RIMS1: variants seen among roughly 807,000 people sequenced by gnomAD.
RIMS1 encodes regulating synaptic membrane exocytosis 1, also known as regulating synaptic membrane exocytosis protein 1.
Under a neutral mutation model 214.1 loss-of-function variants are expected in RIMS1, and 83 were observed. The ratio of observed to expected loss-of-function variants is 0.39; its 90% confidence interval spans 0.32 to 0.47. The LOEUF (loss-of-function observed/expected upper bound fraction) is 0.47. Among genes scored for constraint, RIMS1 ranks in the 20% least tolerant of loss-of-function variants. RIMS1 has a pLI of 0.99. For synonymous variants in RIMS1, 793 were observed against 786.8 expected (o/e 1.01, Z -0.13); for missense variants, 2,050 against 2,161.8 (o/e 0.95, Z 1.03).
rs1010560711 is a variant in RIMS1 at position 72,316,811 on chromosome 6, T to G, written c.4130+3139T>G. 5.2e-6 allele frequency: 4 copies of G among 769,870 alleles called. No homozygotes were observed. The African/African-American group carries it at 6.9e-5, about 13-fold the overall frequency. The allele number at this position is 769,870 out of a possible 1,614,324, so 47.7% of individuals were successfully genotyped here. On this transcript the variant is annotated intron_variant, in intron 28 of 33. Coordinates refer to ENST00000521978, the MANE Select transcript of RIMS1 (RefSeq NM_014989.7). ...GACACTGGGGACAGTAGGTGGGTGG[T>G]GGTGCCAAGGGCATTACCACATTGG...
chr6:72,164,938 C>T (rs2046045261), intron 4 of RIMS1, among the ~76,000 whole-genome samples: 1 of 152,186 alleles, frequency 6.6e-6, no homozygotes, highest in African/African-American at 2.4e-5. Context: ...AAGGCCCCAA[C>T]TCCAAATATA....
intron 4 of RIMS1, among the ~76,000 whole-genome samples, chr6:72,113,941 T>C (rs2036582096): frequency 6.6e-6 from 1 of 152,122 alleles, no homozygotes; most frequent in Admixed American, 6.6e-5. Context: ...AAGACACCAA[T>C]AATGTAACCT....
intron 29 of RIMS1, among the ~76,000 whole-genome samples, chr6:72,345,507 G>A (rs2154362325): frequency 6.6e-6 from 1 of 151,796 alleles, no homozygotes; most frequent in East Asian, 1.9e-4. Context: ...ACTTGTCTGA[G>A]GTATCACAAC....
At position 72,333,734 on chromosome 6, in the gene RIMS1, C is replaced by T; in HGVS notation, c.4265C>T (p.Thr1422Ile). ...DGSQSDTAVG[T>I]VGAGGKKRRS... is the part of the protein sequence containing the mutation. ...AGCCAGTCAGACACAGCTGTGGGTA[C>T]AGTTGGAGCAGGTGGAAAGAAACGG... The change falls in exon 29 of 34, where the codon ACA (threonine) becomes ATA (isoleucine). Residue 1422 changes from threonine to isoleucine, a missense_variant. Physicochemically the swap from Thr to Ile is moderately conservative, Grantham distance 89 (BLOSUM62 -1). Transcript: ENST00000521978. The T allele has an allele frequency of 6.3e-7, 1 of 1,599,050 alleles. No individual in the cohort carries two copies.
chr6:71,931,434 A>G (rs1783002708), intron 1 of RIMS1, among the ~76,000 whole-genome samples: 1 of 152,024 alleles, frequency 6.6e-6, no homozygotes, highest in African/African-American at 2.4e-5. Context: ...TAATAATAAT[A>G]ACAACAAATT....
At chr6:72,119,417 C>G (rs915866367) in intron 4 of RIMS1, among the ~76,000 whole-genome samples, 2 of 151,516 alleles carry the variant, frequency 1.3e-5, no homozygotes, top group African/African-American at 2.4e-5. Context: ...TAGGGCAATT[C>G]CCATCATCAT....
At position 71,991,342 on chromosome 6, in the gene RIMS1, C is replaced by T. The variant is rs115499917; in HGVS notation, c.245+22279C>T. Among the ~76,000 whole-genome samples the T allele has an allele frequency of 5.9e-3, 892 of 152,000 alleles. 8 individuals are homozygous for T. Among genetic ancestry groups the T allele is most frequent in the African/African-American group, 0.02 (828 of 41,486 alleles). ...ATCTGAACATGTCTTTTAAAAATGC[C>T]TAATTCTATACTGTTTACTTTATCA... On this transcript the variant is annotated intron_variant, in intron 2 of 33. Transcript: ENST00000521978.
At chr6:71,978,908 A>T (rs1161223993) in intron 2 of RIMS1, among the ~76,000 whole-genome samples, 1 of 152,110 alleles carries the variant, frequency 6.6e-6, no homozygotes, top group Admixed American at 6.6e-5. Flanking sequence ...AAAATAGAGA[A>T]TTCTAGGAAC....
At chr6:72,241,822 A>G (rs564776921) in intron 9 of RIMS1, among the ~76,000 whole-genome samples, 1 of 152,318 alleles carries the variant, frequency 6.6e-6, no homozygotes, top group South Asian at 2.1e-4. Context: ...ACACTGAAGC[A>G]TGACTTGTAA....
intron 24 of RIMS1, 55 bp from the exon 25 acceptor site, chr6:72,290,624 T>A: frequency 6.7e-7 from 1 of 1,502,660 alleles, no homozygotes; most frequent in Non-Finnish European, 9.1e-7. Context: ...TGTGTTGGTA[T>A]CAAAGTTAAT....
At position 72,320,981 on chromosome 6, in the gene RIMS1, T is replaced by G. The variant is rs528433676; in HGVS notation, c.4130+7309T>G. On this transcript the variant is annotated intron_variant, in intron 28 of 33. Coordinates refer to ENST00000521978, the MANE Select transcript of RIMS1 (RefSeq NM_014989.7). Reference sequence around the variant, plus strand: ...TTTCTTTACTCATTTTAACATATGATTACCTTGATTTCAGCTAGACTCTCT... The same window carrying G: ...TTTCTTTACTCATTTTAACATATGAGTACCTTGATTTCAGCTAGACTCTCT... Among the ~76,000 whole-genome samples, 9 of 152,178 alleles carry G rather than the reference T, an allele frequency of 5.9e-5. No individual in the cohort carries two copies. The East Asian group carries it at 1.7e-3, about 29-fold the overall frequency.
chr6:71,908,704 C>G (rs548881827), intron 1 of RIMS1, among the ~76,000 whole-genome samples: 225 of 152,292 alleles, frequency 1.5e-3, no homozygotes, highest in African/African-American at 5.2e-3. Context: ...AAATTTTGAA[C>G]ACCCCCTGTT....
At chr6:72,248,375 GTAAA>G (rs1166084411) in intron 12 of RIMS1, among the ~76,000 whole-genome samples, 3 of 152,110 alleles carry the variant, frequency 2.0e-5, no homozygotes, top group Non-Finnish European at 4.4e-5. Flanking sequence ...GGTAACATAA[GTAAA>G]TAAAGAGTTC....
chr6:72,389,475 A>C (rs1378980885), intron 29 of RIMS1, among the ~76,000 whole-genome samples: 1 of 152,222 alleles, frequency 6.6e-6, no homozygotes, highest in Non-Finnish European at 1.5e-5. Flanking sequence ...CTTTGATTAG[A>C]CAATTTACAA....
In RIMS1 at chr6:72,265,484, A is replaced by G. The variant is rs764501070; in HGVS notation, c.3289A>G (p.Thr1097Ala). The change falls in exon 21 of 34, where the codon ACT becomes GCT. Residue 1097 changes from threonine to alanine, a missense_variant. Physicochemically the swap from Thr to Ala is moderately conservative, Grantham distance 58. This residue lies in a region of RIMS1 where 889 missense variants were observed against 885.5 expected (regional missense o/e 1.00). Coordinates refer to ENST00000521978, the MANE Select transcript of RIMS1 (RefSeq NM_014989.7). ...CTTTAACTCAACAGTATTGAGATTT[A>G]CTGATGAAATACTGGTTAGGTAAGA... ...ECFNSTVLRF[T>A]DEILVSELQP... 13 of 1,579,254 alleles carry G rather than the reference A, an allele frequency of 8.2e-6. No homozygotes were observed. The East Asian group carries it at 2.5e-4, about 30-fold the overall frequency.
chr6:71,972,502 CAT>C (rs1562000863), intron 2 of RIMS1, among the ~76,000 whole-genome samples: 1 of 152,148 alleles, frequency 6.6e-6, no homozygotes, highest in Non-Finnish European at 1.5e-5. Flanking sequence ...GATGGATACA[CAT>C]GTCAATATAC....
At chr6:71,960,777 A>G (rs757405184) in intron 1 of RIMS1, among the ~76,000 whole-genome samples, 3 of 152,136 alleles carry the variant, frequency 2.0e-5, no homozygotes, top group Non-Finnish European at 4.4e-5. Context: ...TCAAGTAGAC[A>G]TGGGTTAGTG....
intron 6 of RIMS1, among the ~76,000 whole-genome samples, chr6:72,212,560 AC>A (rs1186080941): frequency 7.9e-5 from 12 of 152,156 alleles, no homozygotes; most frequent in Admixed American, 7.9e-4. Flanking sequence ...ATGGTACTGA[AC>A]AAAAGCAGAA....
intron 2 of RIMS1, among the ~76,000 whole-genome samples, chr6:72,026,715 C>T (rs1001187715): frequency 6.6e-6 from 1 of 152,088 alleles, no homozygotes; most frequent in African/African-American, 2.4e-5. Flanking sequence ...TCCACCATCA[C>T]CTCACACAAC....
Sources: allele counts gnomAD v4.1 joint callset (sites outside exome capture counted in the v4.1 genomes callset), GRCh38; gene constraint gnomAD v4.1.1; regional missense constraint gnomAD v4.1.1; transcripts MANE v1.5; gene names NCBI Gene and HGNC (gene_info 2026-07-23, HGNC 2026-07-21).